The following UACA variants were observed in gnomAD, a reference collection of about 807,000 sequenced individuals.
UACA encodes the protein nuclear membrane binding protein.
UACA carries 112 observed loss-of-function variants against 160.5 expected under a neutral mutation model. The observed-to-expected ratio is 0.70, with a 90% CI of 0.60 to 0.82. UACA has a LOEUF of 0.82. UACA is among the 40% of genes least tolerant of loss of function. The probability of loss-of-function intolerance (pLI) is 0.00; values close to 1 mark genes in which losing one functional copy is unlikely to be tolerated. For missense variants in UACA, 1,574 were observed against 1,614.6 expected (o/e 0.97, Z 0.43); for synonymous variants, 557 against 568.4 (o/e 0.98, Z 0.29).
chr15:70,750,827 G>C (rs138568615), intron 1 of UACA, among the ~76,000 whole-genome samples: 1 of 152,134 alleles, frequency 6.6e-6, no homozygotes, highest in African/African-American at 2.4e-5. Flanking sequence ...GCAAGGTCCG[G>C]TCTCAAAAAA....
Position 70,657,123 on chromosome 15 carries a change from T to A in UACA, c.4184A>T (p.His1395Leu). 1 of 1,613,928 alleles carries A rather than the reference T, an allele frequency of 6.2e-7. No homozygotes were observed. Among genetic ancestry groups the A allele is most frequent in the Non-Finnish European group, 8.5e-7 (1 of 1,179,790 alleles). ...RTHLLSAAQG[H>L]MDEDVQEALL... ...AGCCTCCTGAACATCTTCATCCATGTGACCCTTCGGAGAAAGAAGAAAGAG... is the reference window on the plus strand; with the variant it reads ...AGCCTCCTGAACATCTTCATCCATGAGACCCTTCGGAGAAAGAAGAAAGAG... The change falls in exon 19 of 19, where the codon CAC becomes CTC. Residue 1395 changes from histidine (H) to leucine (L), a missense_variant. Coordinates refer to ENST00000322954, the MANE Select transcript of UACA (RefSeq NM_018003.4).
At chr15:70,702,111 C>T (rs913290626) in intron 1 of UACA, 4 of 1,322,950 alleles carry the variant, frequency 3.0e-6, no homozygotes, top group African/African-American at 3.0e-5. Flanking sequence ...TCATAACGCT[C>T]GAATATTATC....
the UACA span, among the ~76,000 whole-genome samples, chr15:70,772,994 C>A: frequency 6.7e-6 from 1 of 148,678 alleles, no homozygotes; most frequent in Non-Finnish European, 1.5e-5. Context: ...AACGCTGAGG[C>A]AGGATTGTGT....
At chr15:70,680,454 T>C (rs1409239930) in intron 9 of UACA, among the ~76,000 whole-genome samples, 1 of 152,248 alleles carries the variant, frequency 6.6e-6, no homozygotes, top group Non-Finnish European at 1.5e-5. Context: ...ATTATTTGTT[T>C]ACCTTTGCTT....
chr15:70,662,099 T>C (rs1896727000), intron 17 of UACA, among the ~76,000 whole-genome samples: 1 of 152,198 alleles, frequency 6.6e-6, no homozygotes, highest in South Asian at 2.1e-4. Context: ...CATCATTGTA[T>C]ATCTAGAAAA....
At chr15:70,749,944 C>T (rs62016952) in intron 1 of UACA, among the ~76,000 whole-genome samples, 20,681 of 152,086 alleles carry the variant, frequency 0.14, 1,722 homozygotes, top group African/African-American at 0.23. Context: ...CTCCCTCTTA[C>T]AGCGTAATTA....
At chr15:70,758,393 T>C (rs2030553840) in intron 1 of UACA, 1 of 152,238 alleles carries the variant, frequency 6.6e-6, no homozygotes, top group Non-Finnish European at 1.5e-5. Flanking sequence ...AATTTAAGGT[T>C]GGAATAGTTA....
intron 1 of UACA, among the ~76,000 whole-genome samples, chr15:70,707,885 T>C (rs1898566478): frequency 6.6e-6 from 1 of 152,160 alleles, no homozygotes. Flanking sequence ...AAATTATAAA[T>C]AGAACTACCA....
At chr15:70,763,036 T>C (rs899043216) in intron 1 of UACA, among the ~76,000 whole-genome samples, 1 of 151,588 alleles carries the variant, frequency 6.6e-6, no homozygotes, top group Non-Finnish European at 1.5e-5. Context: ...TCGAGGAACT[T>C]TGGATTTAGG....
chr15:70,687,883 T>C (rs1897788008), intron 5 of UACA, 63 bp from the exon 6 acceptor site: 2 of 1,491,722 alleles, frequency 1.3e-6, no homozygotes, highest in East Asian at 2.3e-5. Flanking sequence ...ATAGTGTTTT[T>C]CTAGGTCCAT....
intron 10 of UACA, among the ~76,000 whole-genome samples, chr15:70,679,402 C>CTAAATAAATAAATAAATAAATAAA (rs57970349): frequency 9.7e-5 from 13 of 134,084 alleles, no homozygotes; most frequent in African/African-American, 3.4e-4. Flanking sequence ...GACCCCATCT[C>CTAAATAAATAAATAAATAAATAAA]TAAATAAATA....
intron 1 of UACA, among the ~76,000 whole-genome samples, chr15:70,727,013 T>A (rs548152589): frequency 4.7e-4 from 71 of 152,312 alleles, no homozygotes; most frequent in Middle Eastern, 6.8e-3. Flanking sequence ...ACTCTCACTA[T>A]CAGCTGGAAA....
At chr15:70,702,023 C>A in intron 1 of UACA, 1 of 1,536,260 alleles carries the variant, frequency 6.5e-7, no homozygotes, top group African/African-American at 1.4e-5. Flanking sequence ...ACAAGTGACT[C>A]AGTCCCTCAC....
rs149918473 is a variant in UACA, at chr15:70,676,700, G to A, written c.1033-109C>T. ...AATTGCATTGAGGACTGGAGTTAAT[G>A]AATTCTCCAACCTGGTGAACTTTAA... On this transcript the variant is annotated intron_variant, in intron 12 of 18. Coordinates refer to ENST00000322954, the MANE Select transcript of UACA (RefSeq NM_018003.4). 3.8e-5 allele frequency: 31 copies of A among 815,388 alleles called. 1 individual carries two copies. In the East Asian group the frequency reaches 7.8e-4, roughly 21 times the overall value. 50.5% of individuals were successfully genotyped at this position (815,388 alleles called of 1,614,324 possible). A position where few individuals can be genotyped will look rare whatever the true frequency, so the allele number is the denominator to read the frequency against.
intron 1 of UACA, among the ~76,000 whole-genome samples, chr15:70,723,559 G>C (rs1899054834): frequency 6.6e-6 from 1 of 151,698 alleles, no homozygotes; most frequent in South Asian, 2.1e-4. Flanking sequence ...CCCTCACAGA[G>C]TACCAAGGTA....
chr15:70,774,545 C>CAA, the UACA span, among the ~76,000 whole-genome samples: 7 of 82,444 alleles, frequency 8.5e-5, no homozygotes, highest in African/African-American at 1.2e-4. Context: ...GACTCTGTCT[C>CAA]AAAAAAAAAA....
At chr15:70,677,745 C>T (rs1408390988) in intron 11 of UACA, among the ~76,000 whole-genome samples, 3 of 152,038 alleles carry the variant, frequency 2.0e-5, no homozygotes, top group Non-Finnish European at 4.4e-5. Context: ...GAATATATTA[C>T]AGGTCACTGT....
chr15:70,666,762 G>A lies in UACA; in HGVS notation c.3922C>T (p.Gln1308Ter). The A allele has an allele frequency of 6.2e-7, 1 of 1,609,380 alleles. No individual in the cohort carries two copies. The highest frequency in any genetic ancestry group is 8.5e-7 in the Non-Finnish European group (1 of 1,178,946). Reference sequence around the variant, plus strand: ...GCTTCTATTTGTTTAGCAGATTCTTGTATTCTTCTTTGTAACTCTGTGATT... The same window carrying A: ...GCTTCTATTTGTTTAGCAGATTCTTATATTCTTCTTTGTAACTCTGTGATT... Reference protein sequence around the residue: ...TTITELQRRIQESAKQIEAKD... With the variant: ...TTITELQRRI The change falls in exon 16 of 19, where the codon CAA becomes TAA. Residue 1308 changes from glutamine to a stop codon, truncating the protein, a stop_gained. Coordinates refer to ENST00000322954, the MANE Select transcript of UACA (RefSeq NM_018003.4). LOFTEE classifies it high-confidence loss of function.
At chr15:70,771,901 G>T in the UACA span, among the ~76,000 whole-genome samples, 16 of 152,304 alleles carry the variant, frequency 1.1e-4, no homozygotes, top group East Asian at 1.9e-3. Flanking sequence ...GGAGCATAGT[G>T]GGAGAAGAAT....
Sources: gnomAD v4.1 joint callset for allele counts (sites outside exome capture counted in the v4.1 genomes callset) on GRCh38, gnomAD v4.1.1 for gene constraint, MANE v1.5 for transcripts, NCBI Gene and HGNC (gene_info 2026-07-23, HGNC 2026-07-21) for gene names.